MICOS10: variants seen among roughly 807,000 people sequenced by gnomAD.
MICOS10 encodes the protein mitochondrial contact site and cristae organizing system subunit 10.
A neutral mutation model predicts 13.4 loss-of-function variants in MICOS10; 5 were observed. The observed-to-expected ratio is 0.37, with a 90% CI of 0.20 to 0.78. The LOEUF is 0.78. Among genes scored for constraint, MICOS10 ranks in the 30% least tolerant of loss-of-function variants. MICOS10 has a pLI of 0.47. For synonymous variants in MICOS10, 35 were observed against 33.6 expected, an observed-to-expected ratio of 1.04 and a Z score of -0.15; for missense variants, 101 against 94.6, an observed-to-expected ratio of 1.07 and a Z score of -0.28.
At chr1:19,623,915 G>T in intron 3 of MICOS10, 1 of 177,704 alleles carries the variant, frequency 5.6e-6, no homozygotes, top group Non-Finnish European at 1.2e-5. Flanking sequence ...AGCTCAGAGT[G>T]CCCTGTAAAC....
Position 19,629,480 on chromosome 1 carries a change from C to G in MICOS10, c.*3079C>G, listed in dbSNP as rs953070768. 1.3e-5 allele frequency: 2 copies of G among 152,212 alleles called. No homozygotes were observed. The highest frequency in any genetic ancestry group is 2.4e-5 in the African/African-American group (1 of 41,452). 9.4% of individuals were successfully genotyped at this position (152,212 alleles called of 1,614,324 possible). ...CATTCCATGTACCCACTAGGGGAAG[C>G]TTTATCAGGCTGCATTTGCCTTATG... On this transcript the variant is annotated 3_prime_UTR_variant, in exon 4 of 4. Coordinates refer to ENST00000322753, the MANE Select transcript of MICOS10 (RefSeq NM_001032363.4).
chr1:19,604,756 T>C (rs1315688757), intron 1 of MICOS10, among the ~76,000 whole-genome samples: 1 of 152,106 alleles, frequency 6.6e-6, no homozygotes, highest in Non-Finnish European at 1.5e-5. Context: ...GGCACACAGG[T>C]GAATAGGCAC....
chr1:19,618,344 G>A (rs1015818356), intron 1 of MICOS10, among the ~76,000 whole-genome samples: 1 of 151,788 alleles, frequency 6.6e-6, no homozygotes, highest in South Asian at 2.1e-4. Context: ...GTCTGACTGT[G>A]TTGCCCAGGC....
In MICOS10 at chr1:19,602,688, T is replaced by TA. The variant is rs558003569; in HGVS notation, c.64+5582dup. On this transcript the variant is annotated intron_variant, in intron 1 of 3. Transcript: ENST00000322753. ...TATTTTTAAGTTTTATCAGATTTAT[T>TA]AAATGCTCTGGCTTTCTTTATCCAC... Among the ~76,000 whole-genome samples, 798 of 152,366 alleles carry TA rather than the reference T, an allele frequency of 5.2e-3. 11 individuals carry two copies. Among genetic ancestry groups the TA allele is most frequent in the African/African-American group, 0.018 (755 of 41,594 alleles).
chr1:19,614,576 C>G (rs1252319593), intron 1 of MICOS10: 2 of 152,168 alleles, frequency 1.3e-5, no homozygotes, highest in Non-Finnish European at 2.9e-5. Context: ...CTCGGCCTCC[C>G]AAAGTGCTGG....
At chr1:19,606,145 C>T (rs914276343) in intron 1 of MICOS10, among the ~76,000 whole-genome samples, 6 of 151,986 alleles carry the variant, frequency 3.9e-5, no homozygotes, top group African/African-American at 1.2e-4. Context: ...AAGAGGGGAG[C>T]AGCAGGAGTG....
chr1:19,597,175 C>T lies in MICOS10; in HGVS notation c.64+66C>T, dbSNP rs72956115. On this transcript the variant is annotated intron_variant, in intron 1 of 3. Coordinates refer to ENST00000322753, the MANE Select transcript of MICOS10 (RefSeq NM_001032363.4). ...GCTGCTGGCTCCAGGCTGCGCTGCC[C>T]AGGAGGAAGGAAGGGAAGCCCCACG... is the stretch of plus-strand genomic sequence containing the variant. 3.8e-3 allele frequency: 5,785 copies of T among 1,521,248 alleles called. 197 individuals carry two copies. The African/African-American group carries it at 0.072, about 19-fold the overall frequency. The allele number at this position is 1,521,248 out of a possible 1,614,324, so 94.2% of individuals were successfully genotyped here.
At chr1:19,610,068 G>A (rs959644128) in intron 1 of MICOS10, among the ~76,000 whole-genome samples, 3 of 152,168 alleles carry the variant, frequency 2.0e-5, no homozygotes, top group African/African-American at 4.8e-5. Context: ...CTTGAACTCG[G>A]GAGGCAGAGG....
In MICOS10 at chr1:19,597,032, C is replaced by A; in HGVS notation, c.-14C>A. 6.3e-7 allele frequency: 1 copy of A among 1,578,280 alleles called. No individual in the cohort carries two copies. Among genetic ancestry groups the A allele is most frequent in the East Asian group, 2.4e-5 (1 of 40,992 alleles). ...GGCCGGCCGAGAGGAAAGCTGGAGGCGCGGGTGGGGAACATGTCTGAGTCG... is the reference window on the plus strand; with the variant it reads ...GGCCGGCCGAGAGGAAAGCTGGAGGAGCGGGTGGGGAACATGTCTGAGTCG... On this transcript the variant is annotated 5_prime_UTR_variant, in exon 1 of 4. Coordinates refer to ENST00000322753, the MANE Select transcript of MICOS10 (RefSeq NM_001032363.4).
intron 3 of MICOS10, chr1:19,623,825 TAAG>T (rs2094912834): frequency 8.8e-6 from 3 of 341,848 alleles, no homozygotes; most frequent in Non-Finnish European, 5.3e-6. Flanking sequence ...CGATTGGAAT[TAAG>T]GAGCCTGCTT....
In MICOS10 at chr1:19,629,506, CAGA is replaced by C. The variant is rs2094931973; in HGVS notation, c.*3108_*3110del. The C allele has an allele frequency of 1.3e-5, 2 of 152,346 alleles. No individual in the cohort carries two copies. The highest frequency in any genetic ancestry group is 4.8e-5 in the African/African-American group (2 of 41,578). The allele number at this position is 152,346 out of a possible 1,614,324, so 9.4% of individuals were successfully genotyped here. On this transcript the variant is annotated 3_prime_UTR_variant, in exon 4 of 4. Coordinates refer to ENST00000322753, the MANE Select transcript of MICOS10 (RefSeq NM_001032363.4). ...TTTATCAGGCTGCATTTGCCTTATG[CAGA>C]AGTATGCCTTTGTTCTGAGAAATGG...
chr1:19,608,481 GTA>G, intron 1 of MICOS10: 1 of 1,246,288 alleles, frequency 8.0e-7, no homozygotes, highest in Non-Finnish European at 1.2e-6. Context: ...GCCTGCTCGG[GTA>G]TGAAGATCGG....
At chr1:19,597,485 A>T (rs1369495223) in intron 1 of MICOS10, among the ~76,000 whole-genome samples, 1 of 152,210 alleles carries the variant, frequency 6.6e-6, no homozygotes, top group Non-Finnish European at 1.5e-5. Context: ...GAACCGGCTC[A>T]GGAGGCCACG....
At position 19,626,551 on chromosome 1, in the gene MICOS10, C is replaced by T. The variant is rs1381314371; in HGVS notation, c.*150C>T. The T allele has an allele frequency of 2.5e-6, 2 of 790,354 alleles. No individual in the cohort carries two copies. Among genetic ancestry groups the T allele is most frequent in the African/African-American group, 3.5e-5 (2 of 57,850 alleles). The allele number at this position is 790,354 out of a possible 1,614,324, so 49.0% of individuals were successfully genotyped here. On this transcript the variant is annotated 3_prime_UTR_variant, in exon 4 of 4. Coordinates refer to ENST00000322753, the MANE Select transcript of MICOS10 (RefSeq NM_001032363.4). ...CAGCACCTGGTTATGCATTTGAAACCAAGTCTGTTTCTTGTTTTGTATTTT... is the reference window on the plus strand; with the variant it reads ...CAGCACCTGGTTATGCATTTGAAACTAAGTCTGTTTCTTGTTTTGTATTTT...
intron 1 of MICOS10, among the ~76,000 whole-genome samples, chr1:19,603,489 A>G (rs1341070554): frequency 2.0e-5 from 3 of 152,212 alleles, no homozygotes; most frequent in Non-Finnish European, 4.4e-5. Context: ...TCCTCAGACT[A>G]TGGATTTGCC....
Position 19,608,994 on chromosome 1 carries a change from C to CTTTTTTTT in MICOS10, c.64+11907_64+11914dup, listed in dbSNP as rs5772856. 3.0e-4 allele frequency among the ~76,000 whole-genome samples: 18 copies of CTTTTTTTT among 60,592 alleles called. 4 individuals carry two copies. Among genetic ancestry groups the CTTTTTTTT allele is most frequent in the African/African-American group, 9.9e-4 (13 of 13,122 alleles). 39.8% of individuals were successfully genotyped at this position (60,592 alleles called of 152,430 possible). A position where few individuals can be genotyped will look rare whatever the true frequency, so the allele number is the denominator to read the frequency against. On this transcript the variant is annotated intron_variant, in intron 1 of 3. Transcript: ENST00000322753. ...TTAAGATGTGAGCCACTTTTCCCAG[C>CTTTTTTTT]TTTTTTTTTTTTTTTTTTTTTTTTT...
rs1558348227 is a variant in MICOS10 at position 19,623,496 on chromosome 1, C to T, written c.135C>T (p.Phe45=). 6.2e-6 allele frequency: 10 copies of T among 1,611,768 alleles called. No homozygotes were observed. The highest frequency in any genetic ancestry group is 1.1e-5 in the South Asian group (1 of 90,938). The change falls in exon 3 of 4, where the codon TTC becomes TTT. Residue 45 remains phenylalanine (F), a synonymous_variant. Transcript: ENST00000322753. The part of the protein sequence containing the change: ...FFKRRMWPLA[F]GSGMGLGMAY... ...TAGGAAGAATGTGGCCATTAGCCTTCGGTTCTGGCATGGGATTAGGAATGG... is the reference window on the plus strand; with the variant it reads ...TAGGAAGAATGTGGCCATTAGCCTTTGGTTCTGGCATGGGATTAGGAATGG...
chr1:19,611,469 AT>A (rs768118529), intron 1 of MICOS10, among the ~76,000 whole-genome samples: 18,357 of 89,886 alleles, frequency 0.2, 955 homozygotes, highest in East Asian at 0.42. Flanking sequence ...TTGCAACTTG[AT>A]TTTTTTTTTT....
intron 1 of MICOS10, chr1:19,601,242 G>T (rs2094813615): frequency 5.9e-6 from 2 of 337,500 alleles, no homozygotes; most frequent in African/African-American, 4.3e-5. Flanking sequence ...GTAGGAAGAG[G>T]CATTTATTTA....
Sources: gnomAD v4.1 joint callset for allele counts (sites outside exome capture counted in the v4.1 genomes callset) on GRCh38, gnomAD v4.1.1 for gene constraint, MANE v1.5 for transcripts, NCBI Gene and HGNC (gene_info 2026-07-23, HGNC 2026-07-21) for gene names.